TENT2: variants seen among roughly 807,000 people sequenced by gnomAD.
TENT2 encodes the protein poly(A) RNA polymerase GLD2.
Under a neutral mutation model 72.2 loss-of-function variants are expected in TENT2, and 44 were observed. The ratio of observed to expected loss-of-function variants is 0.61; its 90% CI spans 0.48 to 0.78. The LOEUF (loss-of-function observed/expected upper bound fraction) is 0.78. Ranked by LOEUF, TENT2 falls within the 30% of genes least tolerant of loss-of-function variation. The pLI is 0.00. For missense variants in TENT2, 541 were observed against 569.6 expected, an observed-to-expected ratio of 0.95 and a Z score of 0.51; for synonymous variants, 212 against 192.5, an observed-to-expected ratio of 1.10 and a Z score of -0.84.
At chr5:79,677,954 G>A (rs1355729747) in intron 12 of TENT2, among the ~76,000 whole-genome samples, 2 of 151,980 alleles carry the variant, frequency 1.3e-5, no homozygotes, top group Non-Finnish European at 2.9e-5. Flanking sequence ...GCGCCACCAC[G>A]CCTGCTACTT....
At chr5:79,675,099 T>G (rs1443114034) in intron 12 of TENT2, among the ~76,000 whole-genome samples, 2 of 152,072 alleles carry the variant, frequency 1.3e-5, no homozygotes. Flanking sequence ...AAAAACAGGG[T>G]AAAATTAGAG....
At chr5:79,668,571 A>T (rs1035796643) in intron 11 of TENT2, 1 of 189,812 alleles carries the variant, frequency 5.3e-6, no homozygotes, top group Non-Finnish European at 1.1e-5. Flanking sequence ...GAAGAAATCT[A>T]TATGGTATTG....
intron 6 of TENT2, 85 bp from the exon 7 acceptor site, chr5:79,642,747 T>A: frequency 9.5e-7 from 1 of 1,049,392 alleles, no homozygotes; most frequent in South Asian, 1.4e-5. Context: ...ATCTTGTATG[T>A]TTTCTTTTTG....
intron 1 of TENT2, among the ~76,000 whole-genome samples, chr5:79,616,434 A>T (rs1760130307): frequency 6.6e-6 from 1 of 151,722 alleles, no homozygotes. Flanking sequence ...ACCTTAGGTG[A>T]TCCATCTGCT....
chr5:79,619,891 A>T, intron 2 of TENT2, 103 bp from the exon 3 acceptor site: 1 of 1,443,444 alleles, frequency 6.9e-7, no homozygotes, highest in South Asian at 1.3e-5. Flanking sequence ...ATGTCGTCAC[A>T]TTTTTTTTTG....
intron 11 of TENT2, among the ~76,000 whole-genome samples, chr5:79,668,258 T>C (rs1810081423): frequency 6.6e-6 from 1 of 152,094 alleles, no homozygotes; most frequent in Non-Finnish European, 1.5e-5. Flanking sequence ...TGGTAAAAGC[T>C]TGCTGAATAT....
In TENT2 at chr5:79,648,529, A is replaced by T. The variant is rs186278329; in HGVS notation, c.822-88A>T. ...GGCCCATACTATTTTGCATCATGGG[A>T]TGGATGAGCATTAATTTAGTTATTA... On this transcript the variant is annotated intron_variant, in intron 8 of 14. Coordinates refer to ENST00000453514, the MANE Select transcript of TENT2 (RefSeq NM_001114394.3). 5.0e-5 allele frequency: 43 copies of T among 867,098 alleles called. No homozygotes were observed. In the African/African-American group the frequency reaches 6.1e-4, roughly 12 times the overall value. 53.7% of individuals were successfully genotyped at this position (867,098 alleles called of 1,614,324 possible). A position where few individuals can be genotyped will look rare whatever the true frequency, so the allele number is the denominator to read the frequency against.
chr5:79,654,880 G>A (rs1035468054), intron 10 of TENT2, among the ~76,000 whole-genome samples: 1 of 152,154 alleles, frequency 6.6e-6, no homozygotes, highest in Non-Finnish European at 1.5e-5. Flanking sequence ...ACATCTATAT[G>A]GAAAGTTTAT....
At chr5:79,616,746 T>C (rs1387873150) in intron 1 of TENT2, among the ~76,000 whole-genome samples, 2 of 152,234 alleles carry the variant, frequency 1.3e-5, no homozygotes, top group Non-Finnish European at 2.9e-5. Flanking sequence ...TAAAAATCTC[T>C]TGTAAAAAGA....
intron 14 of TENT2, 104 bp downstream of exon 14, chr5:79,682,165 A>C (rs1233828247): frequency 1.5e-6 from 1 of 659,308 alleles, no homozygotes; most frequent in Non-Finnish European, 2.5e-6. Context: ...TCTTCTGTGA[A>C]TCCATTAATA....
chr5:79,629,842 A>G (rs1773734921), intron 4 of TENT2, among the ~76,000 whole-genome samples: 1 of 148,610 alleles, frequency 6.7e-6, no homozygotes, highest in Non-Finnish European at 1.5e-5. Flanking sequence ...AAAAATAATA[A>G]CCATACATAG....
chr5:79,615,735 G>A (rs1165699551), intron 1 of TENT2, among the ~76,000 whole-genome samples: 2 of 151,360 alleles, frequency 1.3e-5, no homozygotes, highest in African/African-American at 4.9e-5. Flanking sequence ...TTTGAGACAG[G>A]GTCTTGCTCT....
chr5:79,659,005 T>TAGCA (rs1368048969), intron 11 of TENT2, among the ~76,000 whole-genome samples: 1 of 152,162 alleles, frequency 6.6e-6, no homozygotes, highest in Non-Finnish European at 1.5e-5. Context: ...AAAATACTAA[T>TAGCA]AGCAAGACCT....
At chr5:79,629,129 A>G (rs867316541) in intron 4 of TENT2, among the ~76,000 whole-genome samples, 5 of 152,180 alleles carry the variant, frequency 3.3e-5, no homozygotes, top group Admixed American at 1.3e-4. Context: ...GTTCCTTTAG[A>G]TCTGAAAGGA....
In TENT2 at chr5:79,682,566, T is replaced by C. The variant is rs372192938; in HGVS notation, c.1380+505T>C. 1.2e-4 allele frequency among the ~76,000 whole-genome samples: 18 copies of C among 152,014 alleles called. No individual in the cohort carries two copies. The East Asian group carries it at 2.1e-3, about 18-fold the overall frequency. ...TCCCAAAGTGCTGGTATTACAGGCA[T>C]GAGCCACCATGCCCTACCGAAATAA... On this transcript the variant is annotated intron_variant, in intron 14 of 14. Transcript: ENST00000453514.
chr5:79,638,086 C>T (rs180697836), intron 4 of TENT2, among the ~76,000 whole-genome samples: 154 of 152,334 alleles, frequency 1.0e-3, no homozygotes, highest in African/African-American at 3.6e-3. Context: ...GCATGAGCCA[C>T]CACGCCCAGC....
At chr5:79,655,439 T>G in intron 10 of TENT2, among the ~76,000 whole-genome samples, 1 of 152,114 alleles carries the variant, frequency 6.6e-6, no homozygotes, top group East Asian at 1.9e-4. Context: ...TTCTCTATAA[T>G]CTTCTCTTCA....
intron 4 of TENT2, among the ~76,000 whole-genome samples, chr5:79,626,452 C>T (rs910251682): frequency 3.3e-5 from 5 of 151,298 alleles, no homozygotes; most frequent in Admixed American, 1.3e-4. Flanking sequence ...GGACTACAGG[C>T]GCCTGCCACC....
chr5:79,618,130 C>T (rs547817386), intron 1 of TENT2, among the ~76,000 whole-genome samples: 28 of 152,274 alleles, frequency 1.8e-4, no homozygotes, highest in Middle Eastern at 3.4e-3. Context: ...GCCCCTACCA[C>T]CTTTTCCTTT....
Sources: gnomAD v4.1 joint callset for allele counts (sites outside exome capture counted in the v4.1 genomes callset) on GRCh38, gnomAD v4.1.1 for gene constraint, MANE v1.5 for transcripts, NCBI Gene and HGNC (gene_info 2026-07-23, HGNC 2026-07-21) for gene names.